SFMBT2: variants seen among roughly 807,000 people sequenced by gnomAD.
SFMBT2 encodes scm-like with four MBT domains protein 2.
A neutral mutation model predicts 110.1 loss-of-function variants in SFMBT2; 38 were observed. The observed-to-expected ratio is 0.35, with a 90% confidence interval of 0.27 to 0.45. SFMBT2 has a LOEUF of 0.45. SFMBT2 is among the 20% of genes least tolerant of loss of function. The pLI, the probability that SFMBT2 is intolerant of heterozygous loss-of-function variation, is 1.00. For missense variants in SFMBT2, 1,011 were observed against 1,094.9 expected (o/e 0.92, Z 1.08); for synonymous variants, 425 against 425.4 (o/e 1.00, Z 0.01).
intron 13 of SFMBT2, among the ~76,000 whole-genome samples, chr10:7,201,358 G>T (rs1838949759): frequency 6.6e-6 from 1 of 152,222 alleles, no homozygotes; most frequent in East Asian, 1.9e-4. Context: ...AGTGACTGAT[G>T]CATGAGAAAG....
rs993287468 is a variant in SFMBT2, at chr10:7,170,624, C to T, written c.2544+304G>A. ...GGGGAGCGTGGACTCGCACCCCTCA[C>T]CTGGCAGCAACAGGCACCTCCCACC... On this transcript the variant is annotated intron_variant, in intron 20 of 20. Transcript: ENST00000397167. The surrounding 1 kb of genome is among the most constrained non-coding windows in gnomAD (Gnocchi z 4.6). 6.6e-6 allele frequency among the ~76,000 whole-genome samples: 1 copy of T among 152,082 alleles called. No homozygotes were observed. Among genetic ancestry groups the T allele is most frequent in the Non-Finnish European group, 1.5e-5 (1 of 67,996 alleles).
intron 6 of SFMBT2, chr10:7,277,479 C>T (rs1841819226): frequency 4.2e-6 from 1 of 238,590 alleles, no homozygotes; most frequent in African/African-American, 2.3e-5. Context: ...CCCTGTAAGT[C>T]AGAAAATTAT....
At chr10:7,319,662 G>C (rs1334522765) in intron 4 of SFMBT2, among the ~76,000 whole-genome samples, 1 of 149,500 alleles carries the variant, frequency 6.7e-6, no homozygotes, top group East Asian at 1.9e-4. Flanking sequence ...CAGAGAGAGA[G>C]AGAGAGACAG....
intron 1 of SFMBT2, among the ~76,000 whole-genome samples, chr10:7,405,133 C>T (rs905473264): frequency 2.6e-5 from 4 of 152,176 alleles, no homozygotes; most frequent in Admixed American, 1.3e-4. Flanking sequence ...ACCCTAGGAA[C>T]GGAAAACCTT....
chr10:7,342,876 T>C (rs1843974216), intron 4 of SFMBT2, among the ~76,000 whole-genome samples: 1 of 152,210 alleles, frequency 6.6e-6, no homozygotes, highest in Admixed American at 6.5e-5. Context: ...GTTACTAACA[T>C]TTCCACATCT....
chr10:7,227,865 C>G lies in SFMBT2; in HGVS notation c.1193G>C (p.Cys398Ser), dbSNP rs759146738. 6.2e-7 allele frequency: 1 copy of G among 1,608,764 alleles called. No individual in the cohort carries two copies. The highest frequency in any genetic ancestry group is 1.7e-5 in the Admixed American group (1 of 58,674). Residue 398 changes from cysteine to serine, a missense_variant, in exon 10 of 21, where the codon TGC becomes TCC. By Grantham distance (112) the Cys-to-Ser change is moderately radical. Transcript: ENST00000397167. ...AGAGAAGCTTCTTACATTTCGGAAG[C>G]AGAAGGGAGGGGCTTCCTGCGCCCC... ...QHGAQEAPPF[C>S]FRNTSFSRGF...
intron 1 of SFMBT2, among the ~76,000 whole-genome samples, chr10:7,391,972 C>A (rs1469685718): frequency 6.6e-6 from 1 of 152,132 alleles, no homozygotes; most frequent in Non-Finnish European, 1.5e-5. Context: ...CCCATTAAAG[C>A]TGTTTATATT....
chr10:7,408,396 G>A lies in SFMBT2; in HGVS notation c.-52+2465C>T, dbSNP rs527665032. Among the ~76,000 whole-genome samples, 139 of 152,356 alleles carry A rather than the reference G, an allele frequency of 9.1e-4. No homozygotes were observed. The highest frequency in any genetic ancestry group is 1.2e-3 in the Non-Finnish European group (85 of 68,020). ...CACCCACTGACAGCACGGCGTCCGA[G>A]TGACCCTGTCTAGCCTCGTTCTGCG... is the stretch of plus-strand genomic sequence containing the variant. On this transcript the variant is annotated intron_variant, in intron 1 of 20. Transcript: ENST00000397167. The surrounding 1 kb of genome is among the most constrained non-coding windows in gnomAD (Gnocchi z 5.7).
chr10:7,367,539 C>T lies in SFMBT2; in HGVS notation c.436+110G>A. ...CTCTGAAAGAACTGTGAGACCTTTG[C>T]ACTAAGACCATTAGGGATTCTACGC... On this transcript the variant is annotated intron_variant, in intron 4 of 20. Transcript: ENST00000397167. This position sits in a 1 kb window ranked among gnomAD's most constrained non-coding sequence, Gnocchi z 6.2. 6.7e-7 allele frequency: 1 copy of T among 1,485,836 alleles called. No homozygotes were observed. The highest frequency in any genetic ancestry group is 1.4e-5 in the South Asian group (1 of 73,362). The allele number at this position is 1,485,836 out of a possible 1,614,324, so 92.0% of individuals were successfully genotyped here. A position where few individuals can be genotyped will look rare whatever the true frequency, so the allele number is the denominator to read the frequency against.
chr10:7,390,541 C>T (rs1439332213), intron 1 of SFMBT2, among the ~76,000 whole-genome samples: 1 of 152,022 alleles, frequency 6.6e-6, no homozygotes, highest in Non-Finnish European at 1.5e-5. Context: ...AGACTATTTG[C>T]TTTTTTTCAT....
At chr10:7,276,500 C>CT (rs5782964) in intron 7 of SFMBT2, among the ~76,000 whole-genome samples, 94,152 of 151,892 alleles carry the variant, frequency 0.62, 29,968 homozygotes, top group East Asian at 0.79. Context: ...AAGAAGGTGC[C>CT]TTTTCAAGTG....
At position 7,281,352 on chromosome 10, in the gene SFMBT2, G is replaced by C. The variant is rs188010747; in HGVS notation, c.772+2552C>G. Among the ~76,000 whole-genome samples, 195 of 152,286 alleles carry C rather than the reference G, an allele frequency of 1.3e-3. 2 individuals are homozygous for C. Among genetic ancestry groups the C allele is most frequent in the Non-Finnish European group, 1.1e-3 (72 of 68,026 alleles). On this transcript the variant is annotated intron_variant, in intron 6 of 20. Coordinates refer to ENST00000397167, the MANE Select transcript of SFMBT2 (RefSeq NM_001387889.1). ...CAGATGGTCCCGGCAGCAGGGAAGAGCTCGTGGGGAGTATGCTCTTCTCCC... is the reference window on the plus strand; with the variant it reads ...CAGATGGTCCCGGCAGCAGGGAAGACCTCGTGGGGAGTATGCTCTTCTCCC...
chr10:7,334,700 C>A (rs983084612), intron 4 of SFMBT2, among the ~76,000 whole-genome samples: 1 of 152,202 alleles, frequency 6.6e-6, no homozygotes, highest in Non-Finnish European at 1.5e-5. Flanking sequence ...CTAACGCAGA[C>A]CCGGCCCAGT....
intron 3 of SFMBT2, chr10:7,368,201 T>C: frequency 4.8e-6 from 2 of 413,866 alleles, no homozygotes; most frequent in Non-Finnish European, 6.5e-6. Flanking sequence ...CAACCAACTG[T>C]CTTCTTTTTG....
chr10:7,196,996 T>C (rs1366129973), intron 15 of SFMBT2, among the ~76,000 whole-genome samples: 1 of 152,182 alleles, frequency 6.6e-6, no homozygotes, highest in Non-Finnish European at 1.5e-5. Context: ...TGGGCCTGGA[T>C]GTGACCCATG....
intron 14 of SFMBT2, 38 bp from the exon 15 acceptor site, chr10:7,197,725 C>G: frequency 6.2e-7 from 1 of 1,606,194 alleles, no homozygotes; most frequent in Non-Finnish European, 8.5e-7. Flanking sequence ...CTTAGGACCA[C>G]AGCCCCAGAC....
At chr10:7,281,161 A>G (rs1416130328) in intron 6 of SFMBT2, among the ~76,000 whole-genome samples, 1 of 152,154 alleles carries the variant, frequency 6.6e-6, no homozygotes, top group Non-Finnish European at 1.5e-5. Flanking sequence ...TGGGAAGATC[A>G]CTTGAACCTG....
chr10:7,193,679 G>C (rs1457398585), intron 15 of SFMBT2, among the ~76,000 whole-genome samples: 1 of 152,208 alleles, frequency 6.6e-6, no homozygotes, highest in Non-Finnish European at 1.5e-5. Context: ...GCCCAGGCTG[G>C]CTCACTGGTT....
Position 7,163,708 on chromosome 10 carries a change from G to T in SFMBT2, c.*62C>A. 1 of 1,470,096 alleles carries T rather than the reference G, an allele frequency of 6.8e-7. No individual in the cohort carries two copies. Among genetic ancestry groups the T allele is most frequent in the Non-Finnish European group, 9.4e-7 (1 of 1,062,676 alleles). The allele number at this position is 1,470,096 out of a possible 1,614,324, so 91.1% of individuals were successfully genotyped here. A position where few individuals can be genotyped will look rare whatever the true frequency, so the allele number is the denominator to read the frequency against. On this transcript the variant is annotated 3_prime_UTR_variant, in exon 21 of 21. Transcript: ENST00000397167. This position sits in a 1 kb window ranked among gnomAD's most constrained non-coding sequence, Gnocchi z 4.8. ...CATATCCCGGAAAATCAAAGTTTCA[G>T]TCCTGGAAACCTTTACCAACACCGC...
Sources: gnomAD v4.1 joint callset for allele counts (sites outside exome capture counted in the v4.1 genomes callset) on GRCh38, gnomAD v4.1.1 for gene constraint, Gnocchi (gnomAD v3.1) non-coding constraint, MANE v1.5 for transcripts, NCBI Gene and HGNC (gene_info 2026-07-23, HGNC 2026-07-21) for gene names.